IL16: variants seen among roughly 807,000 people sequenced by gnomAD.
IL16 encodes the protein interleukin 16.
In IL16, 67 loss-of-function variants were observed where a neutral mutation model predicts 110.1. The observed-to-expected ratio is 0.61, with a 90% CI of 0.50 to 0.75. The LOEUF is 0.75. IL16 is among the 30% of genes least tolerant of loss of function. IL16 has a pLI of 0.00. For missense variants in IL16, 1,545 were observed against 1,655.0 expected, an observed-to-expected ratio of 0.93 and a Z score of 1.15; for synonymous variants, 689 against 662.9, an observed-to-expected ratio of 1.04 and a Z score of -0.61.
At position 81,225,640 on chromosome 15, in the gene IL16, T is replaced by C. The variant is rs764590315; in HGVS notation, c.241T>C (p.Ser81Pro). 1 of 1,614,054 alleles carries C rather than the reference T, an allele frequency of 6.2e-7. No individual in the cohort carries two copies. The highest frequency in any genetic ancestry group is 8.5e-7 in the Non-Finnish European group (1 of 1,179,978). ...PSSVPDLALASEAAQLQAAGN... is the reference protein window; with the variant it reads ...PSSVPDLALAPEAAQLQAAGN... ...CAGTGTTCCTGATCTAGCACTGGCC[T>C]CGGAGGCTGCTCAACTCCAAGCAGC... The change falls in exon 2 of 19, where the codon TCG becomes CCG. Residue 81 changes from serine to proline, a missense_variant. This residue lies in a region of IL16 where 1,185 missense variants were observed against 1,238.8 expected (regional missense o/e 0.96). Coordinates refer to ENST00000683961, the MANE Select transcript of IL16 (RefSeq NM_172217.5).
intron 6 of IL16, among the ~76,000 whole-genome samples, chr15:81,273,805 T>A (rs566755213): frequency 6.6e-6 from 1 of 151,828 alleles, no homozygotes; most frequent in Non-Finnish European, 1.5e-5. Flanking sequence ...CTTTCTTCCA[T>A]CAACCCACCC....
In IL16 at chr15:81,292,946, A is replaced by C. The variant is rs770612809; in HGVS notation, c.1811A>C (p.Tyr604Ser). ...SSKPKPPPRK[Y>S]FKSDSDPQKS... ...AAGCCCAAGCCTCCACCCAGAAAAT[A>C]CTTTAAAAGTGACAGTGACCCTCAG... is the stretch of plus-strand genomic sequence containing the variant. Residue 604 changes from tyrosine (Y) to serine (S), a missense_variant, in exon 12 of 19, where the codon TAC (tyrosine) becomes TCC (serine). Transcript: ENST00000683961. 3.1e-6 allele frequency: 5 copies of C among 1,614,060 alleles called. No homozygotes were observed. The highest frequency in any genetic ancestry group is 4.2e-6 in the Non-Finnish European group (5 of 1,180,030).
At chr15:81,246,970 TAC>T (rs1048820116) in intron 2 of IL16, among the ~76,000 whole-genome samples, 1 of 151,984 alleles carries the variant, frequency 6.6e-6, no homozygotes, top group African/African-American at 2.4e-5. Context: ...ATTTATGCTA[TAC>T]AGTTATTTGT....
Position 81,300,127 on chromosome 15 carries a change from T to C in IL16, c.2801T>C (p.Leu934Pro), listed in dbSNP as rs1900199422. The C allele has an allele frequency of 6.3e-7, 1 of 1,599,764 alleles. No homozygotes were observed. Residue 934 changes from leucine (L) to proline (P), a missense_variant, in exon 14 of 19, where the codon CTC (leucine) becomes CCC (proline). Transcript: ENST00000683961. ...PPGRQPNQKT[L>P]PPGPDPLLRL... ...GGGCGGCAGCCCAATCAGAAAACTC[T>C]CCCCCCTGGCCCGGACCCGCTCCTA...
chr15:81,188,616 AG>A (rs1295688949), intron 1 of IL16, among the ~76,000 whole-genome samples: 1 of 152,130 alleles, frequency 6.6e-6, no homozygotes, highest in Non-Finnish European at 1.5e-5. Flanking sequence ...TCCTGTGACT[AG>A]GGTGTGCACG....
chr15:81,282,808 G>T, intron 9 of IL16, 52 bp downstream of exon 9: 1 of 1,251,142 alleles, frequency 8.0e-7, no homozygotes, highest in Non-Finnish European at 1.2e-6. Context: ...AACCAGGAAA[G>T]AAATACCTTA....
At position 81,308,757 on chromosome 15, in the gene IL16, A is replaced by C; in HGVS notation, c.3958A>C (p.Ser1320Arg). The C allele has an allele frequency of 6.2e-7, 1 of 1,613,998 alleles. No individual in the cohort carries two copies. The highest frequency in any genetic ancestry group is 8.5e-7 in the Non-Finnish European group (1 of 1,179,978). The change falls in exon 19 of 19, where the codon AGC (serine) becomes CGC (arginine). Residue 1320 changes from serine to arginine, a missense_variant. By Grantham distance (110) the Ser-to-Arg change is moderately radical (BLOSUM62 -1). Transcript: ENST00000683961. The stretch of plus-strand genomic sequence containing the variant: ...TGTCACGATTGTCATCAGGAGAAAA[A>C]GCCTCCAGTCCAAGGAAACCACAGC... ...GPVTIVIRRKSLQSKETTAAG... is the reference protein window; with the variant it reads ...GPVTIVIRRKRLQSKETTAAG...
rs1900270226 is a variant in IL16 at position 81,301,278 on chromosome 15, A to T, written c.3150-66A>T. On this transcript the variant is annotated intron_variant, in intron 14 of 18. Transcript: ENST00000683961. ...GCACCACACCTGGGACATAGTAATT[A>T]TACAATCACTGTTACCTCTTTTTAA... 1.5e-5 allele frequency: 21 copies of T among 1,400,378 alleles called. No homozygotes were observed. In the Admixed American group the frequency reaches 2.1e-4, roughly 14 times the overall value. The allele number at this position is 1,400,378 out of a possible 1,614,324, so 86.7% of individuals were successfully genotyped here.
intron 2 of IL16, among the ~76,000 whole-genome samples, chr15:81,228,265 G>A (rs573226209): frequency 2.0e-5 from 3 of 152,174 alleles, no homozygotes; most frequent in South Asian, 2.1e-4. Context: ...AGGGACCCGG[G>A]CAGGGGAAAG....
chr15:81,269,673 G>A (rs757231579), intron 5 of IL16, 25 bp downstream of exon 5: 3 of 1,533,154 alleles, frequency 2.0e-6, no homozygotes, highest in South Asian at 2.2e-5. Context: ...TGGCCAACAG[G>A]AAGTCCTGGG....
chr15:81,264,428 C>T (rs1357992399), intron 3 of IL16, among the ~76,000 whole-genome samples: 2 of 152,206 alleles, frequency 1.3e-5, no homozygotes, highest in African/African-American at 4.8e-5. Flanking sequence ...AGATACCACT[C>T]CTCTTTTCTT....
intron 2 of IL16, among the ~76,000 whole-genome samples, chr15:81,244,137 C>T (rs1897450996): frequency 6.6e-6 from 1 of 152,144 alleles, no homozygotes; most frequent in Non-Finnish European, 1.5e-5. Context: ...CTCGTTTATG[C>T]TATAATTGTC....
chr15:81,187,085 C>T (rs543848481), intron 1 of IL16, among the ~76,000 whole-genome samples: 1 of 152,316 alleles, frequency 6.6e-6, no homozygotes, highest in African/African-American at 2.4e-5. Context: ...GGTGATCTCC[C>T]TTTGGAGGCA....
chr15:81,269,737 A>ACACCCCAGTAGTC, intron 5 of IL16, 89 bp downstream of exon 5: 3 of 901,836 alleles, frequency 3.3e-6, no homozygotes, highest in Non-Finnish European at 5.5e-6. Flanking sequence ...TGGGAATAGG[A>ACACCCCAGTAGTC]CTACTGGGGT....
At chr15:81,198,247 A>C (rs8043462) in intron 1 of IL16, among the ~76,000 whole-genome samples, 60,429 of 151,984 alleles carry the variant, frequency 0.4, 15,034 homozygotes, top group East Asian at 0.7. Context: ...CCAGGCACCA[A>C]GCTAAAATAT....
intron 11 of IL16, chr15:81,292,231 A>C: frequency 2.5e-6 from 1 of 397,022 alleles, no homozygotes; most frequent in Non-Finnish European, 4.8e-6. Context: ...CAGCCCCTGG[A>C]GGGACCCACA....
At chr15:81,283,041 T>C (rs1162952038) in intron 9 of IL16, among the ~76,000 whole-genome samples, 1 of 151,850 alleles carries the variant, frequency 6.6e-6, no homozygotes, top group Non-Finnish European at 1.5e-5. Flanking sequence ...ACTGGGAGGG[T>C]GGGTGCTGGC....
At chr15:81,268,907 C>T (rs541579425) in intron 4 of IL16, among the ~76,000 whole-genome samples, 29 of 152,298 alleles carry the variant, frequency 1.9e-4, no homozygotes, top group South Asian at 1.2e-3. Context: ...TAAGGTCACC[C>T]GCCAGCTGAT....
chr15:81,209,534 T>G (rs1896157809), intron 1 of IL16, among the ~76,000 whole-genome samples: 1 of 151,872 alleles, frequency 6.6e-6, no homozygotes, highest in African/African-American at 2.4e-5. Flanking sequence ...TCTCTTGTTC[T>G]TTTTTTTAAG....
Sources: allele counts gnomAD v4.1 joint callset (sites outside exome capture counted in the v4.1 genomes callset), GRCh38; gene constraint gnomAD v4.1.1; regional missense constraint gnomAD v4.1.1; transcripts MANE v1.5; gene names NCBI Gene and HGNC (gene_info 2026-07-23, HGNC 2026-07-21).